The following DNM1 variants were observed in gnomAD, a reference collection of about 807,000 sequenced individuals.
The protein encoded by DNM1 is dynamin 1, also known as dynamin-1.
In DNM1, 29 loss-of-function variants were observed where a neutral mutation model predicts 104.6. The ratio of observed to expected loss-of-function variants is 0.28; its 90% CI spans 0.21 to 0.38. The LOEUF is 0.38. Ranked by LOEUF, DNM1 falls within the 10% of genes least tolerant of loss-of-function variation. DNM1 has a pLI of 1.00. For synonymous variants in DNM1, 445 were observed against 475.8 expected, an observed-to-expected ratio of 0.94 and a Z score of 0.84; for missense variants, 640 against 1,189.4, an observed-to-expected ratio of 0.54 and a Z score of 6.79.
In DNM1 at chr9:128,243,747, G is replaced by T. The variant is rs10987945; in HGVS notation, c.1671+1402G>T. Among the ~76,000 whole-genome samples, 30,591 of 152,070 alleles carry T rather than the reference G, an allele frequency of 0.2. 5,934 individuals are homozygous for T. Among genetic ancestry groups the T allele is most frequent in the African/African-American group, 0.5 (20,624 of 41,418 alleles). ...ACCATGTGACCTGGGGCTGAGGGCC[G>T]GAGACCGGGTGACACTGTGGGGGAG... On this transcript the variant is annotated intron_variant, in intron 15 of 21. Transcript: ENST00000372923. This position sits in a 1 kb window ranked among gnomAD's most constrained non-coding sequence, Gnocchi z 4.0.
chr9:128,231,194 CTTTTTTTTTT>C (rs72047067), intron 10 of DNM1, among the ~76,000 whole-genome samples: 2 of 68,500 alleles, frequency 2.9e-5, no homozygotes, highest in African/African-American at 5.9e-5. Flanking sequence ...ATACTTTTGC[CTTTTTTTTTT>C]TTTTTTTTTT....
At chr9:128,235,905 G>A (rs546392969) in intron 11 of DNM1, among the ~76,000 whole-genome samples, 9 of 152,140 alleles carry the variant, frequency 5.9e-5, no homozygotes, top group East Asian at 5.8e-4. Flanking sequence ...TTGTAGAGAC[G>A]GGGGTCTCAC....
At position 128,226,124 on chromosome 9, in the gene DNM1, A is replaced by G. The variant is rs376066709; in HGVS notation, c.1335+1735A>G. ...AAAGAGCCCAGTATCAAGTGTGTGGATATGGTAGTCAGTGAGCTCACAGCC... is the reference window on the plus strand; with the variant it reads ...AAAGAGCCCAGTATCAAGTGTGTGGGTATGGTAGTCAGTGAGCTCACAGCC... On this transcript the variant is annotated intron_variant, in intron 10 of 21. Coordinates refer to ENST00000372923, the MANE Select transcript of DNM1 (RefSeq NM_004408.4). The G allele has an allele frequency of 8.1e-6, 13 of 1,612,860 alleles. No individual in the cohort carries two copies. Among genetic ancestry groups the G allele is most frequent in the East Asian group, 4.5e-5 (2 of 44,882 alleles).
chr9:128,250,238 G>A lies in DNM1; in HGVS notation c.2200G>A (p.Ala734Thr), dbSNP rs1186378541. 1 of 1,613,938 alleles carries A rather than the reference G, an allele frequency of 6.2e-7. No individual in the cohort carries two copies. Among genetic ancestry groups the A allele is most frequent in the Non-Finnish European group, 8.5e-7 (1 of 1,180,008 alleles). ...RRDEMLRMYHALKEALSIIGD... is the reference protein window; with the variant it reads ...RRDEMLRMYHTLKEALSIIGD... Reference sequence around the variant, plus strand: ...CGACGAGATGCTGCGCATGTACCACGCACTGAAGGAGGCGCTCAGCATCAT... The same window carrying A: ...CGACGAGATGCTGCGCATGTACCACACACTGAAGGAGGCGCTCAGCATCAT... The change falls in exon 20 of 22, where the codon GCA (alanine) becomes ACA (threonine). Residue 734 changes from alanine (A) to threonine (T), a missense_variant. Transcript: ENST00000372923.
chr9:128,226,038 G>T, intron 10 of DNM1: 4 of 1,612,500 alleles, frequency 2.5e-6, no homozygotes, highest in Non-Finnish European at 2.5e-6. Flanking sequence ...GGTGCAGGAC[G>T]GGCCTCTTCA....
At chr9:128,249,181 A>C (rs1396878911) in intron 19 of DNM1, among the ~76,000 whole-genome samples, 1 of 132,522 alleles carries the variant, frequency 7.5e-6, no homozygotes, top group Non-Finnish European at 1.6e-5. Flanking sequence ...CGACAGAGCG[A>C]GACTCCATCT....
rs1188186608 is a variant in DNM1, at chr9:128,253,240, C to T, written c.2535-1414C>T. ...TGGGACCTCAGAGCCAGGCTCCCCG[C>T]CCCTCCCTTCTGCAGCTGCAGACTT... On this transcript the variant is annotated intron_variant, in intron 21 of 21. Coordinates refer to ENST00000372923, the MANE Select transcript of DNM1 (RefSeq NM_004408.4). The surrounding 1 kb of genome is among the most constrained non-coding windows in gnomAD (Gnocchi z 5.9). 1 of 1,083,922 alleles carries T rather than the reference C, an allele frequency of 9.2e-7. No individual in the cohort carries two copies. Among genetic ancestry groups the T allele is most frequent in the East Asian group, 2.4e-5 (1 of 40,966 alleles). The allele number at this position is 1,083,922 out of a possible 1,614,324, so 67.1% of individuals were successfully genotyped here.
chr9:128,226,208 C>T (rs763322240), intron 10 of DNM1: 7 of 1,609,306 alleles, frequency 4.3e-6, no homozygotes, highest in South Asian at 1.1e-5. Context: ...TGGGCCTGGC[C>T]GTCCATTCCT....
At position 128,254,570 on chromosome 9, in the gene DNM1, C is replaced by G. The variant is rs1451984938; in HGVS notation, c.2535-84C>G. Reference sequence around the variant, plus strand: ...CCACCACTGCTGCGGCGCGGCCGGCCCCGGCCGTGTGCTGCGCTTGCCTTA... The same window carrying G: ...CCACCACTGCTGCGGCGCGGCCGGCGCCGGCCGTGTGCTGCGCTTGCCTTA... On this transcript the variant is annotated intron_variant, in intron 21 of 21. Coordinates refer to ENST00000372923, the MANE Select transcript of DNM1 (RefSeq NM_004408.4). The surrounding 1 kb of genome is among the most constrained non-coding windows in gnomAD (Gnocchi z 6.1). 125 of 1,588,684 alleles carry G rather than the reference C, an allele frequency of 7.9e-5. No individual in the cohort carries two copies. The highest frequency in any genetic ancestry group is 2.2e-4 in the South Asian group (20 of 90,774).
rs534217982 is a variant in DNM1, at chr9:128,224,465, TC to T, written c.1335+83del. 112 of 1,431,646 alleles carry T rather than the reference TC, an allele frequency of 7.8e-5. No individual in the cohort carries two copies. The highest frequency in any genetic ancestry group is 2.4e-4 in the Middle Eastern group (1 of 4,190). The allele number at this position is 1,431,646 out of a possible 1,614,324, so 88.7% of individuals were successfully genotyped here. A position where few individuals can be genotyped will look rare whatever the true frequency, so the allele number is the denominator to read the frequency against. Reference sequence around the variant, plus strand: ...TGCTGCCAGGCGCTCCTTCCCCATGTCCCCCCCTGCCTCCTCGGTAGCATGT... The same window carrying T: ...TGCTGCCAGGCGCTCCTTCCCCATGTCCCCCCTGCCTCCTCGGTAGCATGT... On this transcript the variant is annotated intron_variant, in intron 10 of 21. Coordinates refer to ENST00000372923, the MANE Select transcript of DNM1 (RefSeq NM_004408.4). The surrounding 1 kb of genome is among the most constrained non-coding windows in gnomAD (Gnocchi z 4.3).
intron 21 of DNM1, chr9:128,252,956 A>T (rs1411917523): frequency 6.5e-6 from 5 of 767,084 alleles, no homozygotes; most frequent in Admixed American, 1.9e-5. Context: ...GTTTGTGGGC[A>T]TGTGTGTTAG....
At chr9:128,229,724 C>T (rs1368868576) in intron 10 of DNM1, among the ~76,000 whole-genome samples, 1 of 151,624 alleles carries the variant, frequency 6.6e-6, no homozygotes, top group East Asian at 1.9e-4. Flanking sequence ...AGACCAGTCT[C>T]GCCAAATAGT....
chr9:128,223,484 A>G (rs1835142696), intron 9 of DNM1: 1 of 152,478 alleles, frequency 6.6e-6, no homozygotes, highest in African/African-American at 2.4e-5. Context: ...AGCAGTGAAC[A>G]AGACCCAGTG....
chr9:128,218,865 C>T lies in DNM1; in HGVS notation c.385+134C>T. The stretch of plus-strand genomic sequence containing the variant: ...GCATCATCCTATTCCAAGCTCCACC[C>T]TGCCGTGATTCCGCCCACTTCCGGC... On this transcript the variant is annotated intron_variant, in intron 3 of 21. Transcript: ENST00000372923. The surrounding 1 kb of genome is among the most constrained non-coding windows in gnomAD (Gnocchi z 4.8). 7.3e-7 allele frequency: 1 copy of T among 1,367,564 alleles called. No homozygotes were observed. The highest frequency in any genetic ancestry group is 2.5e-5 in the East Asian group (1 of 39,720). The allele number at this position is 1,367,564 out of a possible 1,614,324, so 84.7% of individuals were successfully genotyped here.
At chr9:128,216,052 C>A (rs1281854572) in intron 1 of DNM1, among the ~76,000 whole-genome samples, 4 of 151,778 alleles carry the variant, frequency 2.6e-5, no homozygotes, top group African/African-American at 9.7e-5. Context: ...TCCCTCTGTG[C>A]CGCCTGGCAC....
In DNM1 at chr9:128,222,313, A is replaced by T; in HGVS notation, c.966A>T (p.Pro322=). ...ACAAGAACTTCCGCCCTGATGACCCAGCTCGCAAGACCAAGGCCCTGCTGC... is the reference window on the plus strand; with the variant it reads ...ACAAGAACTTCCGCCCTGATGACCCTGCTCGCAAGACCAAGGCCCTGCTGC... ...EEYKNFRPDD[P]ARKTKALLQM... The change falls in exon 7 of 22, where the codon CCA becomes CCT. Residue 322 remains proline, a synonymous_variant. Coordinates refer to ENST00000372923, the MANE Select transcript of DNM1 (RefSeq NM_004408.4). The surrounding 1 kb of genome is among the most constrained non-coding windows in gnomAD (Gnocchi z 7.8). 6.2e-7 allele frequency: 1 copy of T among 1,613,930 alleles called. No individual in the cohort carries two copies. The highest frequency in any genetic ancestry group is 1.1e-5 in the South Asian group (1 of 91,070).
rs1379479366 is a variant in DNM1, at chr9:128,240,035, G to C, written c.1557+39G>C. The C allele has an allele frequency of 2.5e-6, 4 of 1,613,064 alleles. No individual in the cohort carries two copies. Among genetic ancestry groups the C allele is most frequent in the Non-Finnish European group, 3.4e-6 (4 of 1,179,150 alleles). On this transcript the variant is annotated intron_variant, in intron 14 of 21. Coordinates refer to ENST00000372923, the MANE Select transcript of DNM1 (RefSeq NM_004408.4). The surrounding 1 kb of genome is among the most constrained non-coding windows in gnomAD (Gnocchi z 5.1). ...CTGGGGCTCTCGGCTTGTGTAGTGA[G>C]GGGGCGGAGGGTCCATCGGCAGTGG...
chr9:128,237,549 G>C (rs191213928), intron 11 of DNM1, among the ~76,000 whole-genome samples: 1 of 151,142 alleles, frequency 6.6e-6, no homozygotes, highest in South Asian at 2.1e-4. Flanking sequence ...GATTACAGGC[G>C]TGAGCCACCC....
At position 128,222,559 on chromosome 9, in the gene DNM1, G is replaced by A. The variant is rs1420929016; in HGVS notation, c.1091G>A (p.Arg364Gln). The A allele has an allele frequency of 6.2e-7, 1 of 1,614,048 alleles. No individual in the cohort carries two copies. The highest frequency in any genetic ancestry group is 8.5e-7 in the Non-Finnish European group (1 of 1,180,040). ...CTGTCAGGGGGAGCCCGCATTAACC[G>A]AATCTTCCACGAGCGCTTCCCTTTC... is the stretch of plus-strand genomic sequence containing the variant. The part of the protein sequence containing the change: ...YELSGGARIN[R>Q]IFHERFPFEL... The change falls in exon 8 of 22, where the codon CGA becomes CAA. Residue 364 changes from arginine (R) to glutamine (Q), a missense_variant. Arg to Gln is a conservative substitution (Grantham distance 43, BLOSUM62 1). Transcript: ENST00000372923. The surrounding 1 kb of genome is among the most constrained non-coding windows in gnomAD (Gnocchi z 7.8).
Sources: allele counts gnomAD v4.1 joint callset (sites outside exome capture counted in the v4.1 genomes callset), GRCh38; gene constraint gnomAD v4.1.1; non-coding constraint Gnocchi (gnomAD v3.1); transcripts MANE v1.5; gene names NCBI Gene and HGNC (gene_info 2026-07-23, HGNC 2026-07-21).